The following XPOT variants were observed in gnomAD, a reference collection of about 807,000 sequenced individuals.
XPOT encodes the protein exportin-T.
XPOT carries 34 observed loss-of-function variants against 128.2 expected under a neutral mutation model. That is an observed-to-expected ratio of 0.27 (90% CI 0.20 to 0.35). The LOEUF is 0.35. XPOT is among the 10% of genes least tolerant of loss of function. The pLI, the probability that XPOT is intolerant of heterozygous loss-of-function variation, is 1.00. For missense variants in XPOT, 838 were observed against 1,125.3 expected (o/e 0.74, Z 3.65); for synonymous variants, 348 against 394.3 (o/e 0.88, Z 1.39).
At chr12:64,413,869 A>G (rs534631387) in intron 2 of XPOT, among the ~76,000 whole-genome samples, 1 of 152,328 alleles carries the variant, frequency 6.6e-6, no homozygotes, top group South Asian at 2.1e-4. Flanking sequence ...TCATTTTTAA[A>G]AATTATTGTT....
chr12:64,422,417 A>C (rs1438680401), intron 9 of XPOT, among the ~76,000 whole-genome samples: 1 of 152,142 alleles, frequency 6.6e-6, no homozygotes, highest in Non-Finnish European at 1.5e-5. Context: ...ATATCTCTTA[A>C]TGGTTTTGTA....
intron 2 of XPOT, 148 bp from the exon 3 acceptor site, chr12:64,414,759 C>T (rs576602503): frequency 4.0e-5 from 22 of 549,532 alleles, no homozygotes; most frequent in East Asian, 3.9e-4. Flanking sequence ...TGCATATATT[C>T]GGAAGCCTGC....
In XPOT at chr12:64,424,639, T is replaced by G. The variant is rs1434207412; in HGVS notation, c.1223T>G (p.Leu408Arg). 2 of 1,612,332 alleles carry G rather than the reference T, an allele frequency of 1.2e-6. No homozygotes were observed. The highest frequency in any genetic ancestry group is 1.7e-6 in the Non-Finnish European group (2 of 1,179,914). Residue 408 changes from leucine (L) to arginine (R), a missense_variant, in exon 12 of 25, where the codon CTG (leucine) becomes CGG (arginine). By Grantham distance (102) the Leu-to-Arg change is moderately radical. Coordinates refer to ENST00000332707, the MANE Select transcript of XPOT (RefSeq NM_007235.6). ...ATGTTTGTAGAATATAGAAAACAACTGAAGTTACTGTTGGACAGGCTTGCT... is the reference window on the plus strand; with the variant it reads ...ATGTTTGTAGAATATAGAAAACAACGGAAGTTACTGTTGGACAGGCTTGCT... The part of the protein sequence containing the change: ...EAMFVEYRKQ[L>R]KLLLDRLAQV...
chr12:64,433,350 G>GT (rs778699490), intron 18 of XPOT, 64 bp from the exon 19 acceptor site: 62 of 1,435,578 alleles, frequency 4.3e-5, no homozygotes, highest in Non-Finnish European at 5.5e-5. Flanking sequence ...ATGTAAAATA[G>GT]TTTTTTCTAA....
chr12:64,412,964 C>G (rs2136013045), intron 2 of XPOT, among the ~76,000 whole-genome samples: 1 of 152,274 alleles, frequency 6.6e-6, no homozygotes, highest in East Asian at 1.9e-4. Context: ...GAACACCACC[C>G]TCTCTAGGAA....
chr12:64,408,155 G>A (rs1160779141), intron 1 of XPOT, among the ~76,000 whole-genome samples: 1 of 152,096 alleles, frequency 6.6e-6, no homozygotes, highest in Non-Finnish European at 1.5e-5. Context: ...TGTCACCCAG[G>A]CTGGAGTGCA....
chr12:64,420,674 C>G lies in XPOT; in HGVS notation c.843+153C>G, dbSNP rs572170301. ...AACCACTGCATCTAGCCAAAATGTT[C>G]TCAGTAGCATTCTCCTTGGAGAATG... On this transcript the variant is annotated intron_variant, in intron 8 of 24. Coordinates refer to ENST00000332707, the MANE Select transcript of XPOT (RefSeq NM_007235.6). Among the ~76,000 whole-genome samples, 9 of 152,280 alleles carry G rather than the reference C, an allele frequency of 5.9e-5. No homozygotes were observed. The South Asian group carries it at 1.5e-3, about 25-fold the overall frequency.
chr12:64,438,570 T>C (rs1486332725), intron 22 of XPOT, among the ~76,000 whole-genome samples: 1 of 151,862 alleles, frequency 6.6e-6, no homozygotes, highest in Non-Finnish European at 1.5e-5. Flanking sequence ...AGCACTAATA[T>C]TAAACAGGAA....
At chr12:64,417,157 C>CA (rs1250326062) in intron 4 of XPOT, among the ~76,000 whole-genome samples, 1 of 152,152 alleles carries the variant, frequency 6.6e-6, no homozygotes, top group African/African-American at 2.4e-5. Context: ...GCGGAGGTTG[C>CA]AGTGAGCCGG....
At chr12:64,420,305 A>G (rs370735277) in intron 7 of XPOT, 48 bp from the exon 8 acceptor site, 4 of 1,600,054 alleles carry the variant, frequency 2.5e-6, no homozygotes, top group Middle Eastern at 1.7e-4. Context: ...TACAGTATCT[A>G]AAACTCATGA....
intron 16 of XPOT, among the ~76,000 whole-genome samples, chr12:64,429,085 AT>A (rs2040216044): frequency 6.6e-6 from 1 of 152,176 alleles, no homozygotes; most frequent in Non-Finnish European, 1.5e-5. Flanking sequence ...ATCACAAGAA[AT>A]TTTATGTTTC....
At chr12:64,416,621 C>A in intron 3 of XPOT, 77 bp from the exon 4 acceptor site, 1 of 1,187,096 alleles carries the variant, frequency 8.4e-7, no homozygotes, top group Non-Finnish European at 1.2e-6. Context: ...TGCTGTATTA[C>A]TCATTACTAT....
At position 64,425,121 on chromosome 12, in the gene XPOT, A is replaced by G; in HGVS notation, c.1391A>G (p.His464Arg). The G allele has an allele frequency of 1.9e-6, 3 of 1,612,528 alleles. No homozygotes were observed. Among genetic ancestry groups the G allele is most frequent in the Non-Finnish European group, 1.7e-6 (2 of 1,178,646 alleles). Residue 464 changes from histidine (H) to arginine (R), a missense_variant, in exon 13 of 25, where the codon CAT (histidine) becomes CGT (arginine). Physicochemically the swap from His to Arg is conservative, Grantham distance 29. Around this residue, in one of 3 missense-constraint regions of XPOT, gnomAD observed 761 missense variants for 988.3 expected, o/e 0.77. Transcript: ENST00000332707. ...YMLAEALPVSHGAHFSGDVSK... is the reference protein window; with the variant it reads ...YMLAEALPVSRGAHFSGDVSK... Reference sequence around the variant, plus strand: ...TTGGCAGAAGCTCTTCCAGTATCTCATGGTGCTCACTTCTCAGGTGATGTT... The same window carrying G: ...TTGGCAGAAGCTCTTCCAGTATCTCGTGGTGCTCACTTCTCAGGTGATGTT...
chr12:64,406,125 G>A (rs910025600), intron 1 of XPOT, among the ~76,000 whole-genome samples: 1 of 152,032 alleles, frequency 6.6e-6, no homozygotes, highest in African/African-American at 2.4e-5. Context: ...GCCCAGGCGG[G>A]AGTGCAATGA....
At chr12:64,416,310 A>G (rs1390003589) in intron 3 of XPOT, among the ~76,000 whole-genome samples, 1 of 152,170 alleles carries the variant, frequency 6.6e-6, no homozygotes, top group East Asian at 1.9e-4. Flanking sequence ...CTTTACTTTC[A>G]CTCAGACTCT....
intron 17 of XPOT, 98 bp downstream of exon 17, chr12:64,430,385 T>C: frequency 1.0e-6 from 1 of 1,000,510 alleles, no homozygotes; most frequent in Non-Finnish European, 1.4e-6. Context: ...CACAGTTGGA[T>C]AATCCAGAGA....
intron 21 of XPOT, 65 bp downstream of exon 21, chr12:64,434,974 C>T (rs1485422489): frequency 1.5e-6 from 2 of 1,311,120 alleles, no homozygotes; most frequent in East Asian, 2.3e-5. Context: ...TTCTTTAATG[C>T]CAGGTTGATT....
intron 6 of XPOT, 25 bp downstream of exon 6, chr12:64,419,119 T>C (rs756964119): frequency 6.3e-7 from 1 of 1,591,462 alleles, no homozygotes; most frequent in South Asian, 1.1e-5. Context: ...ATGAATTTTT[T>C]ATATTTAATG....
chr12:64,416,013 C>G (rs929546332), intron 3 of XPOT, among the ~76,000 whole-genome samples: 3 of 152,178 alleles, frequency 2.0e-5, no homozygotes, highest in African/African-American at 4.8e-5. Context: ...TAGGAACTCT[C>G]TTATACTCAC....
Sources: allele counts gnomAD v4.1 joint callset (sites outside exome capture counted in the v4.1 genomes callset), GRCh38; gene constraint gnomAD v4.1.1; regional missense constraint gnomAD v4.1.1; transcripts MANE v1.5; gene names NCBI Gene and HGNC (gene_info 2026-07-23, HGNC 2026-07-21).